Variants in SOX5 observed in about 807,000 individuals in gnomAD.
The protein encoded by SOX5 is SRY-box transcription factor 5, also known as transcription factor SOX-5.
A neutral mutation model predicts 92.0 loss-of-function variants in SOX5; 9 were observed. That is an observed-to-expected ratio of 0.10 (90% CI 0.06 to 0.17). SOX5 has a LOEUF of 0.17. SOX5 is among the 10% of genes least tolerant of loss of function. SOX5 has a pLI of 1.00. For synonymous variants in SOX5, 344 were observed against 336.3 expected (o/e 1.02, Z -0.25); for missense variants, 642 against 944.5 (o/e 0.68, Z 4.20).
At position 24,454,107 on chromosome 12, in the gene SOX5, CTCT is replaced by C. The variant is rs201866041; in HGVS notation, c.-250-85471_-250-85469del. ...TATATTCTTTGTTTCTTCATTCGTTCTCTTGTTTTATTAATTTCCCACCAAAAA... is the reference window on the plus strand; with the variant it reads ...TATATTCTTTGTTTCTTCATTCGTTCTGTTTTATTAATTTCCCACCAAAAA... On this transcript the variant is annotated intron_variant, in intron 1 of 4. Coordinates refer to the SOX5 transcript ENST00000446891. Among the ~76,000 whole-genome samples the C allele has an allele frequency of 7.9e-3, 1,204 of 152,226 alleles. 16 individuals carry two copies. Among genetic ancestry groups the C allele is most frequent in the African/African-American group, 0.027 (1,124 of 41,528 alleles).
intron 9 of SOX5, among the ~76,000 whole-genome samples, chr12:23,599,925 T>C (rs1168606045): frequency 6.6e-6 from 1 of 152,204 alleles, no homozygotes; most frequent in African/African-American, 2.4e-5. Context: ...ATCTAGTCTC[T>C]TAAAAGACTA....
At chr12:23,639,746 G>A (rs1235527019) in intron 8 of SOX5, among the ~76,000 whole-genome samples, 5 of 152,184 alleles carry the variant, frequency 3.3e-5, no homozygotes, top group African/African-American at 1.2e-4. Context: ...CACACTGGTA[G>A]TTCCTCCTGG....
At chr12:24,210,241 A>G (rs1050447205) in intron 4 of SOX5, among the ~76,000 whole-genome samples, 3 of 152,168 alleles carry the variant, frequency 2.0e-5, no homozygotes, top group African/African-American at 7.2e-5. Context: ...TAATATGTGT[A>G]CAATGGCTTG....
In SOX5 at chr12:23,673,100, G is replaced by A. The variant is rs140208891; in HGVS notation, c.811-7536C>T. On this transcript the variant is annotated intron_variant, in intron 6 of 14. Coordinates refer to ENST00000451604, the MANE Select transcript of SOX5 (RefSeq NM_006940.6). Reference sequence around the variant, plus strand: ...AACTTAAGGGTTGCAAAAACATGGTGTAAAATAAGAAAATGGTGAAAAGAT... The same window carrying A: ...AACTTAAGGGTTGCAAAAACATGGTATAAAATAAGAAAATGGTGAAAAGAT... Among the ~76,000 whole-genome samples, 235 of 152,192 alleles carry A rather than the reference G, an allele frequency of 1.5e-3. 1 individual carries two copies. Among genetic ancestry groups the A allele is most frequent in the African/African-American group, 5.4e-3 (226 of 41,550 alleles).
At chr12:24,385,017 T>TGAGAGA (rs144729275) in intron 1 of SOX5, among the ~76,000 whole-genome samples, 1 of 150,512 alleles carries the variant, frequency 6.6e-6, no homozygotes, top group African/African-American at 2.4e-5. Context: ...TAAGATATTT[T>TGAGAGA]GAGAGAGAGA....
intron 4 of SOX5, among the ~76,000 whole-genome samples, chr12:23,989,951 A>G (rs1950409718): frequency 1.3e-5 from 2 of 152,196 alleles, no homozygotes; most frequent in Non-Finnish European, 2.9e-5. Flanking sequence ...ATTCAGATAC[A>G]AAGGAAAACA....
intron 3 of SOX5, among the ~76,000 whole-genome samples, chr12:23,842,131 G>A (rs1393831732): frequency 6.6e-6 from 1 of 152,120 alleles, no homozygotes; most frequent in Non-Finnish European, 1.5e-5. Context: ...AATGGAATCT[G>A]TAAGACTAAA....
chr12:24,521,143 C>T (rs1035895777), intron 1 of SOX5, among the ~76,000 whole-genome samples: 4 of 152,190 alleles, frequency 2.6e-5, no homozygotes, highest in Non-Finnish European at 4.4e-5. Flanking sequence ...CAACCTCCGC[C>T]TCCCGGGTAC....
At chr12:24,137,813 A>G (rs1418896304) in intron 4 of SOX5, among the ~76,000 whole-genome samples, 1 of 152,238 alleles carries the variant, frequency 6.6e-6, no homozygotes, top group Non-Finnish European at 1.5e-5. Flanking sequence ...TGCAAGAATC[A>G]GTAAAAAGAC....
intron 1 of SOX5, among the ~76,000 whole-genome samples, chr12:24,488,539 T>C (rs2137923268): frequency 6.6e-6 from 1 of 152,292 alleles, no homozygotes; most frequent in South Asian, 2.1e-4. Context: ...TGAACTATGA[T>C]GGCACCACTG....
At chr12:24,331,369 C>A (rs1565921124) in intron 2 of SOX5, 1 of 151,958 alleles carries the variant, frequency 6.6e-6, no homozygotes, top group Non-Finnish European at 1.5e-5. Context: ...GATGGGCAGC[C>A]GTAGAGTACG....
intron 4 of SOX5, among the ~76,000 whole-genome samples, chr12:23,744,167 C>T (rs1337210762): frequency 6.6e-6 from 1 of 152,114 alleles, no homozygotes; most frequent in African/African-American, 2.4e-5. Context: ...CCTCTTCTGC[C>T]ACCCATGAAT....
In SOX5 at chr12:23,794,675, G is replaced by A. The variant is rs143049316; in HGVS notation, c.482-38951C>T. Among the ~76,000 whole-genome samples the A allele has an allele frequency of 3.6e-4, 55 of 152,094 alleles. 2 individuals carry two copies. The East Asian group carries it at 9.1e-3, about 25-fold the overall frequency. ...AGAAGAACGTTTAAAAACTATTTCT[G>A]TAAAAATATACAAATAATTTTTTAT... On this transcript the variant is annotated intron_variant, in intron 3 of 14. Transcript: ENST00000451604.
chr12:23,992,939 AAAG>A lies in SOX5; in HGVS notation c.-1-96918_-1-96916del, dbSNP rs1297340024. On this transcript the variant is annotated intron_variant, in intron 4 of 4. Transcript: ENST00000446891. Reference sequence around the variant, plus strand: ...TCTATAGTGGAATATGTGAAAGAAAAAAGAAGGATGACAAAATAATTATAGTAT... The same window carrying A: ...TCTATAGTGGAATATGTGAAAGAAAAAAGGATGACAAAATAATTATAGTAT... Among the ~76,000 whole-genome samples, 19 of 152,276 alleles carry A rather than the reference AAAG, an allele frequency of 1.2e-4. No homozygotes were observed. In the East Asian group the frequency reaches 3.7e-3, roughly 29 times the overall value.
intron 9 of SOX5, among the ~76,000 whole-genome samples, chr12:23,593,675 A>G (rs1209510703): frequency 6.6e-6 from 1 of 152,174 alleles, no homozygotes; most frequent in Non-Finnish European, 1.5e-5. Flanking sequence ...TACATGTTTA[A>G]ATAAATGATA....
rs113831055 is a variant in SOX5, at chr12:24,161,987, A to G, written c.-2+51356T>C. ...TATGGTTAATGGGAAAATTTAATAG[A>G]AATCATTGGTAAGGAGAATTCTGGG... On this transcript the variant is annotated intron_variant, in intron 4 of 4. Transcript: ENST00000446891. Among the ~76,000 whole-genome samples, 342 of 152,206 alleles carry G rather than the reference A, an allele frequency of 2.2e-3. 2 individuals carry two copies. Among genetic ancestry groups the G allele is most frequent in the African/African-American group, 8.0e-3 (331 of 41,552 alleles).
intron 4 of SOX5, among the ~76,000 whole-genome samples, chr12:24,209,824 C>G (rs1488811419): frequency 2.0e-5 from 3 of 151,458 alleles, no homozygotes; most frequent in African/African-American, 7.3e-5. Context: ...CGAGACCATC[C>G]TGGCTAAAAC....
intron 1 of SOX5, among the ~76,000 whole-genome samples, chr12:24,456,300 A>G (rs1429920275): frequency 6.6e-6 from 1 of 152,136 alleles, no homozygotes; most frequent in Non-Finnish European, 1.5e-5. Context: ...TTTATTAGAA[A>G]TGGTTTTCTT....
At chr12:24,522,728 C>T (rs564922209) in intron 1 of SOX5, among the ~76,000 whole-genome samples, 6 of 152,168 alleles carry the variant, frequency 3.9e-5, no homozygotes, top group African/African-American at 1.4e-4. Flanking sequence ...CCTTTCATGA[C>T]AACAACTGTC....
Sources: gnomAD v4.1 joint callset for allele counts (sites outside exome capture counted in the v4.1 genomes callset) on GRCh38, gnomAD v4.1.1 for gene constraint, MANE v1.5 for transcripts, NCBI Gene and HGNC (gene_info 2026-07-23, HGNC 2026-07-21) for gene names.